Variants in VMP1 observed in about 807,000 individuals in gnomAD.
VMP1 encodes the protein vacuole membrane protein 1.
A neutral mutation model predicts 56.0 loss-of-function variants in VMP1; 11 were observed. That is an observed-to-expected ratio of 0.20 (90% CI 0.12 to 0.32). VMP1 has a LOEUF of 0.32. VMP1 is among the 10% of genes least tolerant of loss of function. VMP1 has a pLI of 1.00. For synonymous variants in VMP1, 149 were observed against 165.0 expected (o/e 0.90, Z 0.74); for missense variants, 296 against 490.3 (o/e 0.60, Z 3.74).
chr17:59,787,043 A>T lies in VMP1; in HGVS notation c.714+13158A>T, dbSNP rs556350669. ...TCTTTCACAGTTGGCTCATGATTTTATCACAAAGTACCATCAAAATTAAGC... is the reference window on the plus strand; with the variant it reads ...TCTTTCACAGTTGGCTCATGATTTTTTCACAAAGTACCATCAAAATTAAGC... On this transcript the variant is annotated intron_variant, in intron 7 of 11. Coordinates refer to ENST00000262291, the MANE Select transcript of VMP1 (RefSeq NM_030938.5). 1.2e-4 allele frequency among the ~76,000 whole-genome samples: 19 copies of T among 152,308 alleles called. No individual in the cohort carries two copies. The South Asian group carries it at 3.7e-3, about 30-fold the overall frequency.
rs150434829 is a variant in VMP1 at position 59,811,499 on chromosome 17, C to T, written c.796-171C>T. On this transcript the variant is annotated intron_variant, in intron 8 of 11. Coordinates refer to ENST00000262291, the MANE Select transcript of VMP1 (RefSeq NM_030938.5). ...GAATATGAGACCCAGCTTCTAGACA[C>T]ATTAGGATGTTTGCCTAACCTCCTT... is the stretch of plus-strand genomic sequence containing the variant. Among the ~76,000 whole-genome samples the T allele has an allele frequency of 2.2e-3, 333 of 152,328 alleles. 3 individuals carry two copies. Among genetic ancestry groups the T allele is most frequent in the African/African-American group, 7.6e-3 (317 of 41,560 alleles).
chr17:59,788,017 TGTCA>T (rs1167616495), intron 7 of VMP1, among the ~76,000 whole-genome samples: 2 of 152,176 alleles, frequency 1.3e-5, no homozygotes, highest in Non-Finnish European at 2.9e-5. Flanking sequence ...TTAGCCATGC[TGTCA>T]GTCATCAAAC....
chr17:59,768,300 T>A (rs1413570457), intron 6 of VMP1, among the ~76,000 whole-genome samples: 1 of 152,074 alleles, frequency 6.6e-6, no homozygotes, highest in Non-Finnish European at 1.5e-5. Flanking sequence ...ACAAGGACAG[T>A]CTTCAACAAA....
chr17:59,728,028 T>A (rs2034675337), intron 1 of VMP1, among the ~76,000 whole-genome samples: 1 of 152,244 alleles, frequency 6.6e-6, no homozygotes, highest in Admixed American at 6.5e-5. Context: ...TATATTTTAT[T>A]TCTTGATGTG....
chr17:59,719,770 T>G (rs1322472130), intron 1 of VMP1, among the ~76,000 whole-genome samples: 1 of 152,210 alleles, frequency 6.6e-6, no homozygotes, highest in African/African-American at 2.4e-5. Context: ...TAGCACTGGA[T>G]ATACAGCCTA....
intron 10 of VMP1, among the ~76,000 whole-genome samples, chr17:59,820,205 T>C (rs928400647): frequency 1.3e-5 from 2 of 152,192 alleles, no homozygotes; most frequent in African/African-American, 4.8e-5. Flanking sequence ...ATCTGTCCCC[T>C]CTAGTTTCCT....
At chr17:59,777,853 C>CAAAACAAAAA (rs1270452093) in intron 7 of VMP1, among the ~76,000 whole-genome samples, 1 of 145,714 alleles carries the variant, frequency 6.9e-6, no homozygotes, top group East Asian at 2.0e-4. Context: ...CAAAACAAAA[C>CAAAACAAAAA]AAAAAAACAA....
At chr17:59,717,072 C>T (rs961318078) in intron 1 of VMP1, among the ~76,000 whole-genome samples, 2 of 152,066 alleles carry the variant, frequency 1.3e-5, no homozygotes, top group Non-Finnish European at 2.9e-5. Context: ...CTCCGCCTCC[C>T]GGGTTCACGC....
chr17:59,736,148 C>T (rs557794260), intron 3 of VMP1, among the ~76,000 whole-genome samples: 6 of 152,140 alleles, frequency 3.9e-5, no homozygotes, highest in Non-Finnish European at 5.9e-5. Flanking sequence ...CGTGGTGGCT[C>T]ACACCTATAA....
intron 1 of VMP1, among the ~76,000 whole-genome samples, chr17:59,723,625 A>G (rs1388109843): frequency 1.3e-5 from 2 of 152,140 alleles, no homozygotes; most frequent in Non-Finnish European, 2.9e-5. Context: ...TATGTCGGCA[A>G]CTCTTTTGAG....
At position 59,728,293 on chromosome 17, in the gene VMP1, C is replaced by T. The variant is rs142381572; in HGVS notation, c.-26-3128C>T. On this transcript the variant is annotated intron_variant, in intron 1 of 11. Transcript: ENST00000262291. Reference sequence around the variant, plus strand: ...ACCCATGACCATATCATATTCTGATCAGCTAAATATAAATCTAGCATGACT... The same window carrying T: ...ACCCATGACCATATCATATTCTGATTAGCTAAATATAAATCTAGCATGACT... 1.8e-3 allele frequency among the ~76,000 whole-genome samples: 279 copies of T among 152,284 alleles called. 2 individuals carry two copies. Among genetic ancestry groups the T allele is most frequent in the Non-Finnish European group, 2.7e-3 (184 of 68,022 alleles).
In VMP1 at chr17:59,808,790, T is replaced by C. The variant is rs1158310562; in HGVS notation, c.715-6T>C. ...CATTAATGTTTCTAAATTTGCCTTT[T>C]TACAGGACTTTGCCTCCCGGGCCAA... is the stretch of plus-strand genomic sequence containing the variant. On this transcript the variant is annotated splice_region_variant and splice_polypyrimidine_tract_variant and intron_variant, in intron 7 of 11. Transcript: ENST00000262291. 1.9e-6 allele frequency: 3 copies of C among 1,612,984 alleles called. No individual in the cohort carries two copies. The highest frequency in any genetic ancestry group is 2.2e-5 in the South Asian group (2 of 90,816).
chr17:59,823,689 T>G (rs1026902969), intron 10 of VMP1, among the ~76,000 whole-genome samples: 1 of 151,674 alleles, frequency 6.6e-6, no homozygotes, highest in Non-Finnish European at 1.5e-5. Context: ...AGGCGGATCA[T>G]GCAGTGAGCT....
intron 5 of VMP1, among the ~76,000 whole-genome samples, chr17:59,747,658 G>A (rs1439562490): frequency 2.0e-5 from 3 of 151,304 alleles, no homozygotes; most frequent in Non-Finnish European, 2.9e-5. Flanking sequence ...TGATCCACCC[G>A]CTTTGGCCTC....
At chr17:59,827,796 TA>T (rs1224465726) in intron 10 of VMP1, among the ~76,000 whole-genome samples, 1 of 151,756 alleles carries the variant, frequency 6.6e-6, no homozygotes, top group Non-Finnish European at 1.5e-5. Context: ...GAAAAAAATT[TA>T]AAAATTAGCT....
intron 7 of VMP1, among the ~76,000 whole-genome samples, chr17:59,806,324 T>G (rs2037840660): frequency 6.6e-6 from 1 of 152,192 alleles, no homozygotes; most frequent in Admixed American, 6.5e-5. Flanking sequence ...TAAAACTCAG[T>G]ATTTCACATT....
At chr17:59,747,729 A>C (rs1046520246) in intron 5 of VMP1, among the ~76,000 whole-genome samples, 4 of 151,638 alleles carry the variant, frequency 2.6e-5, no homozygotes, top group African/African-American at 9.7e-5. Context: ...ATTTCTTTAA[A>C]AAAAAAATTA....
At chr17:59,808,537 A>C (rs1298645631) in intron 7 of VMP1, among the ~76,000 whole-genome samples, 1 of 152,232 alleles carries the variant, frequency 6.6e-6, no homozygotes, top group Non-Finnish European at 1.5e-5. Context: ...AATCCCTAGA[A>C]TATCCAGAGA....
intron 7 of VMP1, among the ~76,000 whole-genome samples, chr17:59,792,263 A>G (rs545760765): frequency 6.6e-6 from 1 of 152,270 alleles, no homozygotes; most frequent in Admixed American, 6.5e-5. Context: ...ACGGCAGAGC[A>G]AAAGTCTGTC....
Sources: allele counts gnomAD v4.1 joint callset (sites outside exome capture counted in the v4.1 genomes callset), GRCh38; gene constraint gnomAD v4.1.1; transcripts MANE v1.5; gene names NCBI Gene and HGNC (gene_info 2026-07-23, HGNC 2026-07-21).